CELF1: variants seen among roughly 807,000 people sequenced by gnomAD.
CELF1 encodes the protein CUGBP Elav-like family member 1, also known as 50 kDa nuclear polyadenylated RNA-binding protein.
CELF1 carries 10 observed loss-of-function variants against 61.8 expected under a neutral mutation model. That is an observed-to-expected ratio of 0.16 (90% confidence interval 0.10 to 0.27). CELF1 has a LOEUF of 0.27. CELF1 is among the 10% of genes least tolerant of loss of function. CELF1 has a pLI of 1.00. For synonymous variants in CELF1, 236 were observed against 225.1 expected, an observed-to-expected ratio of 1.05 and a Z score of -0.43; for missense variants, 380 against 639.1, an observed-to-expected ratio of 0.59 and a Z score of 4.37.
chr11:47,473,578 G>C (rs1313257410), intron 13 of CELF1, among the ~76,000 whole-genome samples: 3 of 152,156 alleles, frequency 2.0e-5, no homozygotes, highest in African/African-American at 7.2e-5. Flanking sequence ...GGTGAAAAGG[G>C]GTTATAAACA....
At chr11:47,492,884 A>C (rs1419688218) in intron 3 of CELF1, among the ~76,000 whole-genome samples, 1 of 152,202 alleles carries the variant, frequency 6.6e-6, no homozygotes, top group African/African-American at 2.4e-5. Flanking sequence ...AAGAACCCCA[A>C]TGGTGCCCAG....
chr11:47,494,693 A>T lies in CELF1; in HGVS notation c.71+4760T>A, dbSNP rs372220120. ...ATGTGGTGGGTCTTAACCCAATGGC[A>T]AGCTGATCCATTGGCTGGCCAGAAA... On this transcript the variant is annotated intron_variant, in intron 3 of 14. Coordinates refer to ENST00000687097, the MANE Select transcript of CELF1 (RefSeq NM_001376376.1). 2.2e-4 allele frequency among the ~76,000 whole-genome samples: 33 copies of T among 152,292 alleles called. No individual in the cohort carries two copies. The East Asian group carries it at 5.8e-3, about 27-fold the overall frequency.
At chr11:47,509,010 C>A (rs2094811421) in intron 1 of CELF1, among the ~76,000 whole-genome samples, 1 of 152,076 alleles carries the variant, frequency 6.6e-6, no homozygotes. Context: ...CTCAGGGGAT[C>A]CGCCCACCTC....
intron 1 of CELF1, among the ~76,000 whole-genome samples, chr11:47,512,561 A>T (rs2095282085): frequency 6.6e-6 from 1 of 151,296 alleles, no homozygotes; most frequent in African/African-American, 2.4e-5. Flanking sequence ...GGTGGTCTCG[A>T]ACTCCTGACC....
chr11:47,517,689 G>A (rs1445467142), intron 1 of CELF1, among the ~76,000 whole-genome samples: 2 of 150,648 alleles, frequency 1.3e-5, no homozygotes, highest in Non-Finnish European at 3.0e-5. Flanking sequence ...TTATGCTCTT[G>A]TTGCCCAGGC....
At position 47,536,470 on chromosome 11, in the gene CELF1, A is replaced by G. The variant is rs529657394; in HGVS notation, c.-154+16522T>C. On this transcript the variant is annotated intron_variant, in intron 1 of 14. Transcript: ENST00000687097. ...TTTGCAAAGCTTTTTAAAAAACTGC[A>G]TTTGTAGGCCGGGTGTGGTGGCTCA... is the stretch of plus-strand genomic sequence containing the variant. 2.0e-5 allele frequency among the ~76,000 whole-genome samples: 3 copies of G among 152,208 alleles called. No homozygotes were observed. In the East Asian group the frequency reaches 5.8e-4, roughly 29 times the overall value.
intron 3 of CELF1, among the ~76,000 whole-genome samples, chr11:47,494,791 C>T (rs1000261307): frequency 6.6e-6 from 1 of 152,214 alleles, no homozygotes; most frequent in African/African-American, 2.4e-5. Context: ...CTGCACTGAG[C>T]AATACGATGA....
At position 47,488,871 on chromosome 11, in the gene CELF1, T is replaced by C. The variant is rs1596538366; in HGVS notation, c.225A>G (p.Leu75=). ...GAGGCGGGTTTTGGCTCCTATCCCT[T>C]AGGACGTTGATTTCATACACAGCAC... ...QYGAVYEINV[L]RDRSQNPPQS... The change falls in exon 4 of 15, where the codon CTA becomes CTG. Residue 75 remains leucine (L), a synonymous_variant. Transcript: ENST00000687097. 1.9e-6 allele frequency: 3 copies of C among 1,591,642 alleles called. No individual in the cohort carries two copies. Among genetic ancestry groups the C allele is most frequent in the Non-Finnish European group, 2.6e-6 (3 of 1,170,800 alleles).
intron 3 of CELF1, chr11:47,496,035 T>TAC: frequency 1.0e-6 from 1 of 983,884 alleles, no homozygotes; most frequent in Non-Finnish European, 1.2e-6. Flanking sequence ...CTGGCTCACA[T>TAC]ACAGTGCTGT....
At chr11:47,558,266 T>A (rs2097211869) in intron 2 of CELF1, among the ~76,000 whole-genome samples, 1 of 151,690 alleles carries the variant, frequency 6.6e-6, no homozygotes, top group Non-Finnish European at 1.5e-5. Flanking sequence ...GTCCTGCTTT[T>A]ACTGACACAG....
At position 47,502,444 on chromosome 11, in the gene CELF1, A is replaced by T. The variant is rs147353537; in HGVS notation, c.-153-1512T>A. On this transcript the variant is annotated intron_variant, in intron 1 of 14. Coordinates refer to ENST00000687097, the MANE Select transcript of CELF1 (RefSeq NM_001376376.1). ...GCAATTATGGGAATACAAAAATGCA[A>T]ATATTAAGGGAAATTTAAAAGTAGA... 1.7e-4 allele frequency among the ~76,000 whole-genome samples: 26 copies of T among 152,328 alleles called. No individual in the cohort carries two copies. In the East Asian group the frequency reaches 3.9e-3, roughly 23 times the overall value.
chr11:47,508,665 G>A (rs1277012152), intron 1 of CELF1, among the ~76,000 whole-genome samples: 2 of 141,396 alleles, frequency 1.4e-5, no homozygotes, highest in African/African-American at 5.1e-5. Context: ...ACTTTTTAAA[G>A]GAAACCTCAA....
At chr11:47,494,832 T>G (rs1301684657) in intron 3 of CELF1, among the ~76,000 whole-genome samples, 1 of 152,226 alleles carries the variant, frequency 6.6e-6, no homozygotes, top group Non-Finnish European at 1.5e-5. Context: ...CTATTTAAAC[T>G]TAATTTAAAA....
chr11:47,535,693 A>T lies in CELF1; in HGVS notation c.-154+17299T>A, dbSNP rs183594028. Reference sequence around the variant, plus strand: ...AAACCCCATCTCAAAAAAAAAAAAAAAATAAATCATGTCTTGTTTTGCTAT... The same window carrying T: ...AAACCCCATCTCAAAAAAAAAAAAATAATAAATCATGTCTTGTTTTGCTAT... On this transcript the variant is annotated intron_variant, in intron 1 of 14. Transcript: ENST00000687097. 2.0e-3 allele frequency among the ~76,000 whole-genome samples: 286 copies of T among 140,066 alleles called. 2 individuals carry two copies. In the Middle Eastern group the frequency reaches 0.024, roughly 12 times the overall value. The allele number at this position is 140,066 out of a possible 152,430, so 91.9% of individuals were successfully genotyped here.
intron 3 of CELF1, among the ~76,000 whole-genome samples, chr11:47,494,751 A>G (rs1048999432): frequency 2.0e-5 from 3 of 152,202 alleles, no homozygotes; most frequent in African/African-American, 7.2e-5. Context: ...TAAAACAAAA[A>G]CGGGCCTGGC....
At chr11:47,536,983 C>A (rs1226653616) in intron 1 of CELF1, among the ~76,000 whole-genome samples, 1 of 152,114 alleles carries the variant, frequency 6.6e-6, no homozygotes. Context: ...GAAAACAGGA[C>A]ATGACAGGAG....
At chr11:47,490,656 C>T (rs1165911506) in intron 3 of CELF1, among the ~76,000 whole-genome samples, 1 of 151,954 alleles carries the variant, frequency 6.6e-6, no homozygotes, top group Non-Finnish European at 1.5e-5. Context: ...AAACTCCTGA[C>T]CTCAGGTGAT....
In CELF1 at chr11:47,477,015, C is replaced by G. The variant is rs2080518313; in HGVS notation, c.974-56G>C. On this transcript the variant is annotated intron_variant, in intron 11 of 14. Transcript: ENST00000687097. The stretch of plus-strand genomic sequence containing the variant: ...CCATCACTGGCATTCTCGCCAAATA[C>G]AAGAAAAAGTGTCACTATCCAAGTA... The G allele has an allele frequency of 5.0e-6, 7 of 1,410,234 alleles. No individual in the cohort carries two copies. In the South Asian group the frequency reaches 5.8e-5, roughly 12 times the overall value. 87.4% of individuals were successfully genotyped at this position (1,410,234 alleles called of 1,614,324 possible).
intron 3 of CELF1, 27 bp from the exon 4 acceptor site, chr11:47,489,051 T>C (rs767995587): frequency 1.3e-6 from 2 of 1,497,404 alleles, no homozygotes; most frequent in East Asian, 2.5e-5. Context: ...GAAACTTCTA[T>C]TATGTAATAA....
Sources: gnomAD v4.1 joint callset for allele counts (sites outside exome capture counted in the v4.1 genomes callset) on GRCh38, gnomAD v4.1.1 for gene constraint, MANE v1.5 for transcripts, NCBI Gene and HGNC (gene_info 2026-07-23, HGNC 2026-07-21) for gene names.